ST8SIA2: variants seen among roughly 807,000 people sequenced by gnomAD.
ST8SIA2 encodes ST8 alpha-N-acetyl-neuraminide alpha-2,8-sialyltransferase 2, also known as alpha-2,8-sialyltransferase 8B.
ST8SIA2 carries 22 observed loss-of-function variants against 37.6 expected under a neutral mutation model. The ratio of observed to expected loss-of-function variants is 0.58; its 90% CI spans 0.42 to 0.83. The LOEUF is 0.83. ST8SIA2 is among the 40% of genes least tolerant of loss of function. The pLI is 0.00. For synonymous variants in ST8SIA2, 205 were observed against 201.2 expected, an observed-to-expected ratio of 1.02 and a Z score of -0.16; for missense variants, 382 against 484.7, an observed-to-expected ratio of 0.79 and a Z score of 1.99.
chr15:92,444,722 G>A lies in ST8SIA2; in HGVS notation c.635G>A (p.Arg212Gln), dbSNP rs1425349825. 1.9e-6 allele frequency: 3 copies of A among 1,614,210 alleles called. No homozygotes were observed. The highest frequency in any genetic ancestry group is 1.1e-5 in the South Asian group (1 of 91,092). Residue 212 changes from arginine to glutamine, a missense_variant, in exon 5 of 6, where the codon CGG (arginine) becomes CAG (glutamine). By Grantham distance (43) the Arg-to-Gln change is conservative. Transcript: ENST00000268164. ...LVTMNPSVIQ[R>Q]AFEDLVNATW... Reference sequence around the variant, plus strand: ...ACCATGAACCCCTCGGTCATCCAGCGGGCCTTTGAGGACTTGGTCAATGCC... The same window carrying A: ...ACCATGAACCCCTCGGTCATCCAGCAGGCCTTTGAGGACTTGGTCAATGCC...
intron 4 of ST8SIA2, 86 bp from the exon 5 acceptor site, chr15:92,444,550 A>G: frequency 6.4e-7 from 1 of 1,555,064 alleles, no homozygotes; most frequent in Middle Eastern, 1.7e-4. Context: ...GAAAGAAGCA[A>G]GGAGAGGCAA....
intron 1 of ST8SIA2, among the ~76,000 whole-genome samples, chr15:92,409,335 C>T (rs144764298): frequency 6.6e-6 from 1 of 152,308 alleles, no homozygotes; most frequent in East Asian, 1.9e-4. Context: ...CCTTTTGAAG[C>T]TCACGCATTT....
At chr15:92,444,397 G>A (rs1375590288) in intron 4 of ST8SIA2, among the ~76,000 whole-genome samples, 1 of 152,164 alleles carries the variant, frequency 6.6e-6, no homozygotes, top group Non-Finnish European at 1.5e-5. Flanking sequence ...CAGAAGACAG[G>A]CATTTACATC....
chr15:92,431,177 G>A (rs2141828697), intron 2 of ST8SIA2, among the ~76,000 whole-genome samples: 1 of 152,246 alleles, frequency 6.6e-6, no homozygotes, highest in South Asian at 2.1e-4. Context: ...ATTATGAAAT[G>A]ATGCCCCATT....
At chr15:92,406,678 T>G (rs2049510165) in intron 1 of ST8SIA2, among the ~76,000 whole-genome samples, 1 of 152,104 alleles carries the variant, frequency 6.6e-6, no homozygotes, top group African/African-American at 2.4e-5. Context: ...TAGAGGGACC[T>G]CCAAATGGAT....
chr15:92,394,297 G>A (rs994872322), intron 1 of ST8SIA2, 135 bp downstream of exon 1: 4 of 847,016 alleles, frequency 4.7e-6, no homozygotes, highest in Non-Finnish European at 7.7e-6. Flanking sequence ...GGACGGTTTG[G>A]CAGAAGGTGG....
At chr15:92,396,219 C>A (rs1468068292) in intron 1 of ST8SIA2, among the ~76,000 whole-genome samples, 1 of 152,208 alleles carries the variant, frequency 6.6e-6, no homozygotes, top group African/African-American at 2.4e-5. Context: ...CAGTCCTGAC[C>A]AGGCCTAAGA....
intron 1 of ST8SIA2, among the ~76,000 whole-genome samples, chr15:92,399,958 C>G (rs1166502078): frequency 1.3e-5 from 2 of 152,226 alleles, no homozygotes; most frequent in East Asian, 3.8e-4. Context: ...ATCATCTGGT[C>G]TTTTGCCTCT....
At chr15:92,403,209 G>C (rs1021150584) in intron 1 of ST8SIA2, among the ~76,000 whole-genome samples, 2 of 152,182 alleles carry the variant, frequency 1.3e-5, no homozygotes, top group Non-Finnish European at 2.9e-5. Flanking sequence ...CTCGGGACTT[G>C]CTAAGGTCAC....
At chr15:92,459,255 A>C (rs1218321991) in intron 5 of ST8SIA2, among the ~76,000 whole-genome samples, 1 of 152,170 alleles carries the variant, frequency 6.6e-6, no homozygotes, top group Non-Finnish European at 1.5e-5. Context: ...GCTTGAGTTC[A>C]CTTAGGAAGT....
At chr15:92,459,424 C>G (rs116104073) in intron 5 of ST8SIA2, among the ~76,000 whole-genome samples, 3 of 152,104 alleles carry the variant, frequency 2.0e-5, no homozygotes, top group Non-Finnish European at 1.5e-5. Context: ...TGTGTTTTAT[C>G]CAAACTCTGT....
At chr15:92,460,412 G>A (rs1815825476) in intron 5 of ST8SIA2, among the ~76,000 whole-genome samples, 1 of 152,188 alleles carries the variant, frequency 6.6e-6, no homozygotes, top group African/African-American at 2.4e-5. Flanking sequence ...AGTTTAGGAG[G>A]GGGTGAGCTC....
intron 1 of ST8SIA2, among the ~76,000 whole-genome samples, chr15:92,396,422 C>G (rs147620291): frequency 6.6e-6 from 1 of 151,996 alleles, no homozygotes; most frequent in East Asian, 1.9e-4. Flanking sequence ...CCAACAGCAC[C>G]TTCTGTCTGC....
intron 1 of ST8SIA2, among the ~76,000 whole-genome samples, chr15:92,424,343 G>A (rs1167543023): frequency 6.6e-6 from 1 of 152,000 alleles, no homozygotes; most frequent in African/African-American, 2.4e-5. Context: ...ATATCATGAT[G>A]TACCCCATAA....
intron 1 of ST8SIA2, among the ~76,000 whole-genome samples, chr15:92,408,707 T>TTATG (rs2049527178): frequency 6.6e-6 from 1 of 150,402 alleles, no homozygotes; most frequent in Non-Finnish European, 1.5e-5. Context: ...ATTTATTTAT[T>TTATG]TATTTATTTA....
intron 3 of ST8SIA2, among the ~76,000 whole-genome samples, chr15:92,436,003 C>T (rs2049754952): frequency 6.6e-6 from 1 of 152,146 alleles, no homozygotes; most frequent in Non-Finnish European, 1.5e-5. Flanking sequence ...CTGGTGGCCG[C>T]AGAACTCCAA....
At chr15:92,445,603 G>C (rs1209455864) in intron 5 of ST8SIA2, among the ~76,000 whole-genome samples, 1 of 152,118 alleles carries the variant, frequency 6.6e-6, no homozygotes, top group Non-Finnish European at 1.5e-5. Flanking sequence ...TAAGATGGAG[G>C]GGAACTTTAC....
intron 5 of ST8SIA2, among the ~76,000 whole-genome samples, chr15:92,449,268 G>C (rs1366941266): frequency 6.6e-6 from 1 of 152,166 alleles, no homozygotes; most frequent in African/African-American, 2.4e-5. Context: ...TTCTATTCCT[G>C]TGTTAATTCA....
At chr15:92,441,167 C>G (rs1797219434) in intron 4 of ST8SIA2, among the ~76,000 whole-genome samples, 1 of 152,242 alleles carries the variant, frequency 6.6e-6, no homozygotes, top group Non-Finnish European at 1.5e-5. Context: ...AGACCTCACC[C>G]CCTCTCAGAA....
Sources: gnomAD v4.1 joint callset for allele counts (sites outside exome capture counted in the v4.1 genomes callset) on GRCh38, gnomAD v4.1.1 for gene constraint, MANE v1.5 for transcripts, NCBI Gene and HGNC (gene_info 2026-07-23, HGNC 2026-07-21) for gene names.